Variants in CEMIP observed in about 807,000 individuals in gnomAD.
CEMIP encodes cell migration-inducing and hyaluronan-binding protein.
CEMIP carries 105 observed loss-of-function variants against 156.9 expected under a neutral mutation model. That is an observed-to-expected ratio of 0.67 (90% confidence interval 0.57 to 0.79). CEMIP has a LOEUF of 0.79. Among genes scored for constraint, CEMIP ranks in the 30% least tolerant of loss-of-function variants. CEMIP has a pLI of 0.00. For missense variants in CEMIP, 1,457 were observed against 1,769.4 expected, an observed-to-expected ratio of 0.82 and a Z score of 3.17; for synonymous variants, 676 against 668.4, an observed-to-expected ratio of 1.01 and a Z score of -0.17.
chr15:80,820,382 T>C (rs962764161), intron 1 of CEMIP, among the ~76,000 whole-genome samples: 2 of 152,212 alleles, frequency 1.3e-5, no homozygotes, highest in African/African-American at 4.8e-5. Context: ...GGTAGCATAG[T>C]GTATCCTTTA....
chr15:80,830,001 T>TGTGTGTGTGC (rs1297001861), intron 1 of CEMIP, among the ~76,000 whole-genome samples: 8 of 81,474 alleles, frequency 9.8e-5, no homozygotes, highest in African/African-American at 3.1e-4. Context: ...TGTGTGTGTG[T>TGTGTGTGTGC]GCGCGCATGT....
chr15:80,878,401 A>G (rs906577560), intron 3 of CEMIP, among the ~76,000 whole-genome samples: 1 of 152,232 alleles, frequency 6.6e-6, no homozygotes, highest in Admixed American at 6.5e-5. Context: ...TAGGTAAATC[A>G]TTGCATAACT....
chr15:80,882,156 G>A (rs1215057204), intron 6 of CEMIP, among the ~76,000 whole-genome samples: 2 of 152,190 alleles, frequency 1.3e-5, no homozygotes, highest in East Asian at 1.9e-4. Context: ...GGCAGGGTGG[G>A]CAGGAGCTGA....
intron 1 of CEMIP, among the ~76,000 whole-genome samples, chr15:80,859,321 C>A (rs571157399): frequency 6.6e-6 from 1 of 152,344 alleles, no homozygotes; most frequent in African/African-American, 2.4e-5. Flanking sequence ...GCTCCTCATT[C>A]ATTTTGAATG....
chr15:80,882,077 C>G (rs1423608769), intron 6 of CEMIP, among the ~76,000 whole-genome samples: 1 of 152,126 alleles, frequency 6.6e-6, no homozygotes, highest in African/African-American at 2.4e-5. Flanking sequence ...GGGAGACAGG[C>G]ATTCCTCAAG....
intron 1 of CEMIP, among the ~76,000 whole-genome samples, chr15:80,816,959 A>G (rs1222985203): frequency 1.3e-5 from 2 of 152,164 alleles, no homozygotes; most frequent in East Asian, 3.9e-4. Flanking sequence ...GCCTGAACAG[A>G]GTAAAGGTAA....
intron 13 of CEMIP, among the ~76,000 whole-genome samples, chr15:80,908,879 C>T (rs1417309878): frequency 1.3e-5 from 2 of 152,230 alleles, no homozygotes; most frequent in Non-Finnish European, 1.5e-5. Context: ...TCCATTTCCT[C>T]ACAATGTCCT....
At chr15:80,780,869 G>A (rs1329139079) in intron 1 of CEMIP, among the ~76,000 whole-genome samples, 2 of 152,218 alleles carry the variant, frequency 1.3e-5, no homozygotes, top group African/African-American at 2.4e-5. Context: ...CAGACCCAAG[G>A]CGTTGGGGCG....
intron 1 of CEMIP, among the ~76,000 whole-genome samples, chr15:80,836,328 G>A (rs1195657296): frequency 7.9e-5 from 12 of 152,166 alleles, no homozygotes; most frequent in South Asian, 2.1e-4. Flanking sequence ...ACAGTGTTCC[G>A]AAGGGCAGAA....
chr15:80,801,029 T>C (rs1432350008), intron 1 of CEMIP, among the ~76,000 whole-genome samples: 1 of 152,238 alleles, frequency 6.6e-6, no homozygotes, highest in Non-Finnish European at 1.5e-5. Flanking sequence ...GATGCAATGC[T>C]GCTTCTTGCC....
rs1421787190 is a variant in CEMIP at position 80,779,546 on chromosome 15, A to G, written c.-244A>G. ...AGCTCGCGGCGCCTGGCGGTCAGCG[A>G]CCAGACGTCCGGGGCCGCTGCGCTC... On this transcript the variant is annotated 5_prime_UTR_variant, in exon 1 of 30. Transcript: ENST00000394685. 1 of 152,140 alleles carries G rather than the reference A, an allele frequency of 6.6e-6. No homozygotes were observed. Among genetic ancestry groups the G allele is most frequent in the Non-Finnish European group, 1.5e-5 (1 of 68,084 alleles). The allele number at this position is 152,140 out of a possible 1,614,324, so 9.4% of individuals were successfully genotyped here. A position where few individuals can be genotyped will look rare whatever the true frequency, so the allele number is the denominator to read the frequency against.
chr15:80,880,684 T>C (rs1413588834), intron 5 of CEMIP, among the ~76,000 whole-genome samples: 3 of 152,180 alleles, frequency 2.0e-5, no homozygotes, highest in Non-Finnish European at 2.9e-5. Context: ...GATCTGCCTG[T>C]CTCGGCCTCT....
chr15:80,847,382 A>C (rs756141096), intron 1 of CEMIP, among the ~76,000 whole-genome samples: 27 of 152,190 alleles, frequency 1.8e-4, no homozygotes, highest in Non-Finnish European at 3.5e-4. Context: ...TGAGGAGTGA[A>C]CTTAGGGCTT....
intron 16 of CEMIP, 136 bp downstream of exon 16, chr15:80,921,237 TGAA>T: frequency 1.2e-6 from 1 of 860,862 alleles, no homozygotes; most frequent in Non-Finnish European, 1.9e-6. Context: ...TTAGCTGTGG[TGAA>T]GAGGAAAACG....
At chr15:80,869,955 A>C (rs952827135) in intron 1 of CEMIP, among the ~76,000 whole-genome samples, 1 of 152,200 alleles carries the variant, frequency 6.6e-6, no homozygotes, top group Non-Finnish European at 1.5e-5. Flanking sequence ...CTTTCATGCC[A>C]TGGACTGTCC....
At chr15:80,881,602 T>G (rs78186236) in intron 6 of CEMIP, among the ~76,000 whole-genome samples, 2,688 of 152,184 alleles carry the variant, frequency 0.018, 82 homozygotes, top group African/African-American at 0.062. Flanking sequence ...ACCAGAGTTG[T>G]GGGAGCACAG....
In CEMIP at chr15:80,934,839, G is replaced by A. The variant is rs1901056128; in HGVS notation, c.3009+1379G>A. ...AAGACAGGGCAGAGGGCAGGAAGCT[G>A]AGGGTGTTTCTCTCTGCAGTAGAAT... On this transcript the variant is annotated intron_variant, in intron 23 of 29. Transcript: ENST00000394685. 3.3e-5 allele frequency among the ~76,000 whole-genome samples: 5 copies of A among 152,328 alleles called. No individual in the cohort carries two copies. In the South Asian group the frequency reaches 1.0e-3, roughly 32 times the overall value.
chr15:80,915,800 T>C (rs1205514084), intron 14 of CEMIP, among the ~76,000 whole-genome samples: 1 of 151,910 alleles, frequency 6.6e-6, no homozygotes, highest in Non-Finnish European at 1.5e-5. Flanking sequence ...TCCGGGTTTT[T>C]TTCTTCCACC....
At chr15:80,880,853 G>C in intron 5 of CEMIP, 47 bp from the exon 6 acceptor site, 1 of 1,508,168 alleles carries the variant, frequency 6.6e-7, no homozygotes, top group Non-Finnish European at 9.2e-7. Flanking sequence ...TCAGTATCCA[G>C]TAAAGAGATG....
Sources: gnomAD v4.1 joint callset for allele counts (sites outside exome capture counted in the v4.1 genomes callset) on GRCh38, gnomAD v4.1.1 for gene constraint, MANE v1.5 for transcripts, NCBI Gene and HGNC (gene_info 2026-07-23, HGNC 2026-07-21) for gene names.